The following TMC2 variants were observed in gnomAD, a reference collection of about 807,000 sequenced individuals.
The protein encoded by TMC2 is transmembrane channel like 2.
A neutral mutation model predicts 105.9 loss-of-function variants in TMC2; 102 were observed. That is an observed-to-expected ratio of 0.96 (90% CI 0.82 to 1.14). TMC2 has a LOEUF of 1.14. Among genes scored for constraint, TMC2 ranks in the 50% most tolerant of loss-of-function variants. The probability of loss-of-function intolerance (pLI) is 0.00; values close to 1 mark genes in which losing one functional copy is unlikely to be tolerated. For synonymous variants in TMC2, 402 were observed against 422.8 expected, an observed-to-expected ratio of 0.95 and a Z score of 0.60; for missense variants, 1,093 against 1,134.3, an observed-to-expected ratio of 0.96 and a Z score of 0.52.
At chr20:2,633,843 T>C (rs6037163) in intron 17 of TMC2, among the ~76,000 whole-genome samples, 115,017 of 151,920 alleles carry the variant, frequency 0.76, 43,668 homozygotes, top group East Asian at 0.87. Context: ...CTTGAAAAGG[T>C]ACTCCCTAGA....
In TMC2 at chr20:2,558,821, T is replaced by A; in HGVS notation, c.401+47T>A. The A allele has an allele frequency of 6.7e-7, 1 of 1,482,068 alleles. No individual in the cohort carries two copies. The highest frequency in any genetic ancestry group is 9.0e-7 in the Non-Finnish European group (1 of 1,115,516). The allele number at this position is 1,482,068 out of a possible 1,614,324, so 91.8% of individuals were successfully genotyped here. ...GGGCATTCGCTCCGCGCGCTCCCGC[T>A]CCTTCGCGGCCCTTCCCCTTCCCCC... On this transcript the variant is annotated intron_variant, in intron 3 of 19. Coordinates refer to ENST00000358864, the MANE Select transcript of TMC2 (RefSeq NM_080751.3). This position sits in a 1 kb window ranked among gnomAD's most constrained non-coding sequence, Gnocchi z 4.6.
At chr20:2,572,306 C>A (rs11906103) in intron 5 of TMC2, 37 bp downstream of exon 5, 1 of 1,521,524 alleles carries the variant, frequency 6.6e-7, no homozygotes, top group Non-Finnish European at 9.1e-7. Context: ...GTTGGGAGGG[C>A]TTGCTCAGCT....
chr20:2,597,401 A>C, intron 10 of TMC2, 103 bp downstream of exon 10: 1 of 1,226,014 alleles, frequency 8.2e-7, no homozygotes, highest in Non-Finnish European at 1.1e-6. Flanking sequence ...TCCTCAAATA[A>C]TTTGTGGCAA....
Position 2,637,464 on chromosome 20 carries a change from T to C in TMC2, c.2386-10T>C. 6.3e-7 allele frequency: 1 copy of C among 1,591,088 alleles called. No homozygotes were observed. The highest frequency in any genetic ancestry group is 1.1e-5 in the South Asian group (1 of 90,556). On this transcript the variant is annotated splice_polypyrimidine_tract_variant and intron_variant, in intron 18 of 19. Coordinates refer to ENST00000358864, the MANE Select transcript of TMC2 (RefSeq NM_080751.3). ...CTGGGCCAGGACCAACAGTTCATTA[T>C]TTCCTGCAGCTCCGTGAAGTTGAGA...
chr20:2,599,102 G>T lies in TMC2; in HGVS notation c.1224+1804G>T, dbSNP rs373041485. On this transcript the variant is annotated intron_variant, in intron 10 of 19. Coordinates refer to ENST00000358864, the MANE Select transcript of TMC2 (RefSeq NM_080751.3). The stretch of plus-strand genomic sequence containing the variant: ...AGTAGAGATGGGGTTTCACCATTTT[G>T]GCCAGGCTGATCTTGAACTCCTGAC... 1.2e-3 allele frequency among the ~76,000 whole-genome samples: 183 copies of T among 151,874 alleles called. 3 individuals carry two copies. The highest frequency in any genetic ancestry group is 4.3e-3 in the African/African-American group (177 of 41,414).
At chr20:2,610,389 G>A (rs1209814966) in intron 11 of TMC2, 30 bp from the exon 12 acceptor site, 8 of 1,587,624 alleles carry the variant, frequency 5.0e-6, no homozygotes, top group Non-Finnish European at 5.2e-6. Flanking sequence ...TAATGTTGAT[G>A]ACACAACGTA....
chr20:2,545,648 T>C, intron 2 of TMC2, among the ~76,000 whole-genome samples: 1 of 151,556 alleles, frequency 6.6e-6, no homozygotes, highest in East Asian at 1.9e-4. Context: ...TTGAGATCAC[T>C]AAGTAGGTCT....
chr20:2,590,632 C>T (rs1168012396), intron 7 of TMC2, among the ~76,000 whole-genome samples: 3 of 152,050 alleles, frequency 2.0e-5, no homozygotes, highest in Non-Finnish European at 4.4e-5. Context: ...ATCCCTACTA[C>T]TTTTCAATAT....
chr20:2,589,010 CTT>C (rs1414331311), intron 7 of TMC2, among the ~76,000 whole-genome samples: 2 of 152,092 alleles, frequency 1.3e-5, no homozygotes, highest in African/African-American at 2.4e-5. Flanking sequence ...ATTAATCAAA[CTT>C]ATTTTAAAGC....
intron 16 of TMC2, chr20:2,618,404 C>T (rs886296256): frequency 6.6e-6 from 1 of 152,228 alleles, no homozygotes; most frequent in African/African-American, 2.4e-5. Context: ...TTCGACAGCA[C>T]AGTTCTACCC....
chr20:2,617,305 C>T lies in TMC2; in HGVS notation c.2174C>T (p.Pro725Leu), dbSNP rs760906834. Residue 725 changes from proline to leucine, a missense_variant, in exon 16 of 20, where the codon CCG becomes CTG. Pro to Leu is a moderately conservative substitution (Grantham distance 98, BLOSUM62 -3). Coordinates refer to ENST00000358864, the MANE Select transcript of TMC2 (RefSeq NM_080751.3). ...MSLPPSFDCGPFSGKNRMYDV... is the reference protein window; with the variant it reads ...MSLPPSFDCGLFSGKNRMYDV... Reference sequence around the variant, plus strand: ...CTCCCACCCTCCTTTGACTGCGGGCCGTTCAGGTGCAGAGTCTCAGTTGCC... The same window carrying T: ...CTCCCACCCTCCTTTGACTGCGGGCTGTTCAGGTGCAGAGTCTCAGTTGCC... 5.0e-6 allele frequency: 8 copies of T among 1,614,172 alleles called. No homozygotes were observed. The highest frequency in any genetic ancestry group is 2.2e-5 in the East Asian group (1 of 44,874).
At chr20:2,601,840 A>G (rs1024128339) in intron 10 of TMC2, among the ~76,000 whole-genome samples, 1 of 152,166 alleles carries the variant, frequency 6.6e-6, no homozygotes, top group Non-Finnish European at 1.5e-5. Context: ...TCAAAAAAGA[A>G]AAAAAGAGGG....
At chr20:2,584,182 C>G (rs970992082) in intron 7 of TMC2, among the ~76,000 whole-genome samples, 1 of 152,020 alleles carries the variant, frequency 6.6e-6, no homozygotes, top group African/African-American at 2.4e-5. Flanking sequence ...CGGTGGCTCA[C>G]GCCTGTAATC....
chr20:2,635,048 CTAA>C (rs2086631608), intron 17 of TMC2, among the ~76,000 whole-genome samples: 1 of 152,156 alleles, frequency 6.6e-6, no homozygotes, highest in Non-Finnish European at 1.5e-5. Context: ...AGAAAAACTA[CTAA>C]TAAGGATGGA....
At position 2,636,356 on chromosome 20, in the gene TMC2, C is replaced by T. The variant is rs999634163; in HGVS notation, c.2385+352C>T. 1.1e-4 allele frequency among the ~76,000 whole-genome samples: 17 copies of T among 152,080 alleles called. No homozygotes were observed. In the South Asian group the frequency reaches 2.3e-3, roughly 20 times the overall value. On this transcript the variant is annotated intron_variant, in intron 18 of 19. Transcript: ENST00000358864. The stretch of plus-strand genomic sequence containing the variant: ...ACTAAAAGAAATGTTGTCAAAATCA[C>T]GTATTTCTTGTGCCCTTTAGCCTAA...
Position 2,610,430 on chromosome 20 carries a change from G to A in TMC2, c.1425G>A (p.Val475=). ...TCCTGATTCCTCAGGTAGAGATCGT[G>A]ATGTCCCTGCTTGGAATGTTTTGTC... ...SWYERNEVEI[V]MSLLGMFCPP... is the part of the protein sequence containing the mutation. Residue 475 remains valine (V), a synonymous_variant, in exon 12 of 20, where the codon GTG becomes GTA. Transcript: ENST00000358864. 1 of 1,611,820 alleles carries A rather than the reference G, an allele frequency of 6.2e-7. No individual in the cohort carries two copies. Among genetic ancestry groups the A allele is most frequent in the Non-Finnish European group, 8.5e-7 (1 of 1,178,798 alleles).
chr20:2,632,473 T>A (rs1203979852), intron 17 of TMC2, among the ~76,000 whole-genome samples: 1 of 152,238 alleles, frequency 6.6e-6, no homozygotes, highest in Non-Finnish European at 1.5e-5. Context: ...AGTCTTTGTC[T>A]CTTAAATACA....
In TMC2 at chr20:2,556,730, GT is replaced by G. The variant is rs1435027581; in HGVS notation, c.83-1723del. Among the ~76,000 whole-genome samples, 3 of 152,200 alleles carry G rather than the reference GT, an allele frequency of 2.0e-5. No homozygotes were observed. In the East Asian group the frequency reaches 5.8e-4, roughly 29 times the overall value. ...CTCCAGCCTAGGCAACAGAGTCCCTGTTTCTAAATGAAAATAAAATAAAACT... is the reference window on the plus strand; with the variant it reads ...CTCCAGCCTAGGCAACAGAGTCCCTGTTCTAAATGAAAATAAAATAAAACT... On this transcript the variant is annotated intron_variant, in intron 2 of 19. Coordinates refer to ENST00000358864, the MANE Select transcript of TMC2 (RefSeq NM_080751.3).
Position 2,561,969 on chromosome 20 carries a change from G to T in TMC2, c.513G>T (p.Arg171=). ...AAAAGAAGCTCATTGCCACCATGCG[G>T]AGCAAGCCCTGGCCCATGGCGAAGA... ...EEKKKLIATM[R]SKPWPMAKKL... is the part of the protein sequence containing the mutation. The change falls in exon 4 of 20, where the codon CGG becomes CGT. Residue 171 remains arginine, a synonymous_variant. Coordinates refer to ENST00000358864, the MANE Select transcript of TMC2 (RefSeq NM_080751.3). 6.2e-7 allele frequency: 1 copy of T among 1,614,232 alleles called. No homozygotes were observed. The highest frequency in any genetic ancestry group is 8.5e-7 in the Non-Finnish European group (1 of 1,180,026).
Sources: gnomAD v4.1 joint callset for allele counts (sites outside exome capture counted in the v4.1 genomes callset) on GRCh38, gnomAD v4.1.1 for gene constraint, Gnocchi (gnomAD v3.1) non-coding constraint, MANE v1.5 for transcripts, NCBI Gene and HGNC (gene_info 2026-07-23, HGNC 2026-07-21) for gene names.